The following PTPRN2 variants were observed in gnomAD, a reference collection of about 807,000 sequenced individuals.
PTPRN2 encodes protein tyrosine phosphatase receptor type N2.
Under a neutral mutation model 118.8 loss-of-function variants are expected in PTPRN2, and 74 were observed. The observed-to-expected ratio is 0.62, with a 90% CI of 0.52 to 0.76. The LOEUF is 0.76. Ranked by LOEUF, PTPRN2 falls within the 30% of genes least tolerant of loss-of-function variation. The pLI, the probability that PTPRN2 is intolerant of heterozygous loss-of-function variation, is 0.00. For synonymous variants in PTPRN2, 641 were observed against 608.0 expected (o/e 1.05, Z -0.80); for missense variants, 1,481 against 1,394.4 (o/e 1.06, Z -0.99).
intron 11 of PTPRN2, among the ~76,000 whole-genome samples, chr7:158,006,788 C>T (rs886962126): frequency 6.6e-6 from 1 of 152,186 alleles, no homozygotes; most frequent in African/African-American, 2.4e-5. Context: ...GCTGTACCCA[C>T]ATTTCCAAAA....
intron 3 of PTPRN2, among the ~76,000 whole-genome samples, chr7:158,263,619 G>A (rs1425074502): frequency 6.6e-6 from 1 of 152,172 alleles, no homozygotes; most frequent in Non-Finnish European, 1.5e-5. Context: ...GCTGGGTGAG[G>A]GTCTACTTCC....
intron 1 of PTPRN2, among the ~76,000 whole-genome samples, chr7:158,569,742 G>A (rs1232602313): frequency 7.6e-6 from 1 of 131,724 alleles, no homozygotes; most frequent in Non-Finnish European, 1.6e-5. Context: ...ACAGGAACGC[G>A]GGGCGCGAGG....
intron 2 of PTPRN2, among the ~76,000 whole-genome samples, chr7:158,478,754 G>A (rs563242384): frequency 3.9e-5 from 6 of 152,128 alleles, no homozygotes; most frequent in East Asian, 1.9e-4. Context: ...TTGTGTACAC[G>A]CCGTACAGAG....
chr7:158,292,007 T>C (rs916216228), intron 3 of PTPRN2, among the ~76,000 whole-genome samples: 6 of 152,224 alleles, frequency 3.9e-5, no homozygotes, highest in Non-Finnish European at 8.8e-5. Flanking sequence ...ATGTGAATTA[T>C]TTCAAAGAAT....
chr7:158,006,584 C>A (rs1003218542), intron 11 of PTPRN2, among the ~76,000 whole-genome samples: 3 of 152,198 alleles, frequency 2.0e-5, no homozygotes, highest in Non-Finnish European at 4.4e-5. Context: ...GCCATTTCCA[C>A]AACCTCATTT....
chr7:158,489,643 A>G, intron 2 of PTPRN2, 92 bp downstream of exon 2: 2 of 1,348,904 alleles, frequency 1.5e-6, no homozygotes, highest in Non-Finnish European at 2.0e-6. Context: ...CCCCAGCTCC[A>G]GGCCAGCGGC....
rs185376513 is a variant in PTPRN2, at chr7:157,629,826, C to A, written c.2197-8317G>T. Among the ~76,000 whole-genome samples, 1 of 152,352 alleles carries A rather than the reference C, an allele frequency of 6.6e-6. No individual in the cohort carries two copies. Among genetic ancestry groups the A allele is most frequent in the Non-Finnish European group, 1.5e-5 (1 of 68,030 alleles). The stretch of plus-strand genomic sequence containing the variant: ...CCTTTAATTTACTGAACATTACAAT[C>A]AAACCTTTTGTTAAAACGAATAATA... On this transcript the variant is annotated intron_variant, in intron 14 of 22. Coordinates refer to ENST00000389418, the MANE Select transcript of PTPRN2 (RefSeq NM_002847.5). This position sits in a 1 kb window ranked among gnomAD's most constrained non-coding sequence, Gnocchi z 4.4.
At chr7:158,245,225 CAT>C (rs1796158951) in intron 3 of PTPRN2, among the ~76,000 whole-genome samples, 1 of 148,332 alleles carries the variant, frequency 6.7e-6, no homozygotes, top group Admixed American at 6.7e-5. Context: ...TGCCGGAACC[CAT>C]GGCCATGCCG....
intron 13 of PTPRN2, among the ~76,000 whole-genome samples, chr7:157,662,881 A>G (rs1795962439): frequency 6.6e-6 from 1 of 152,172 alleles, no homozygotes; most frequent in African/African-American, 2.4e-5. Flanking sequence ...CTTCTTGTGC[A>G]TGCAGGGTCT....
chr7:158,047,554 T>C (rs536710279), intron 11 of PTPRN2, among the ~76,000 whole-genome samples: 1 of 151,784 alleles, frequency 6.6e-6, no homozygotes, highest in African/African-American at 2.4e-5. Context: ...CTACCTGCAG[T>C]CACTGAGTGT....
rs534544122 is a variant in PTPRN2 at position 158,294,670 on chromosome 7, G to A, written c.277+22149C>T. Among the ~76,000 whole-genome samples the A allele has an allele frequency of 8.5e-5, 12 of 141,028 alleles. No individual in the cohort carries two copies. The East Asian group carries it at 9.7e-4, about 11-fold the overall frequency. 92.5% of individuals were successfully genotyped at this position (141,028 alleles called of 152,430 possible). ...CAAGCGGGGAGGGAGGAGTGTTCCCGGGGGAGAGTGAGAGGCAGGAAAGAC... is the reference window on the plus strand; with the variant it reads ...CAAGCGGGGAGGGAGGAGTGTTCCCAGGGGAGAGTGAGAGGCAGGAAAGAC... On this transcript the variant is annotated intron_variant, in intron 3 of 22. Coordinates refer to ENST00000389418, the MANE Select transcript of PTPRN2 (RefSeq NM_002847.5).
chr7:158,040,362 T>G (rs1808363391), intron 11 of PTPRN2, among the ~76,000 whole-genome samples: 1 of 151,180 alleles, frequency 6.6e-6, no homozygotes, highest in Non-Finnish European at 1.5e-5. Context: ...CATATACACA[T>G]GCACACACAC....
intron 1 of PTPRN2, among the ~76,000 whole-genome samples, chr7:158,518,922 T>C (rs1372227288): frequency 6.6e-6 from 1 of 151,870 alleles, no homozygotes; most frequent in Non-Finnish European, 1.5e-5. Flanking sequence ...GAGGTGGAGG[T>C]TGCAGTGAGC....
intron 12 of PTPRN2, chr7:157,740,280 A>C (rs941861310): frequency 7.2e-5 from 11 of 152,244 alleles, no homozygotes; most frequent in African/African-American, 2.7e-4. Context: ...GGCACAGAAC[A>C]CTAACCTATC....
chr7:158,544,499 G>A lies in PTPRN2; in HGVS notation c.112+43059C>T, dbSNP rs1476255033. On this transcript the variant is annotated intron_variant, in intron 1 of 22. Transcript: ENST00000389418. This position sits in a 1 kb window ranked among gnomAD's most constrained non-coding sequence, Gnocchi z 4.2. ...AAAAATACAAAAAAATTAGCCTGGT[G>A]TGGTGGCACATGCCTGTAATCACAG... 6.6e-6 allele frequency among the ~76,000 whole-genome samples: 1 copy of A among 152,142 alleles called. No individual in the cohort carries two copies. Among genetic ancestry groups the A allele is most frequent in the Non-Finnish European group, 1.5e-5 (1 of 68,024 alleles).
chr7:158,317,837 G>A (rs1314627815), intron 2 of PTPRN2, among the ~76,000 whole-genome samples: 1 of 152,214 alleles, frequency 6.6e-6, no homozygotes, highest in Non-Finnish European at 1.5e-5. Flanking sequence ...CCCAGGGCCA[G>A]GCTGACGGTA....
At position 157,590,610 on chromosome 7, in the gene PTPRN2, C is replaced by T. The variant is rs1161503762; in HGVS notation, c.2496+4628G>A. 6.6e-6 allele frequency among the ~76,000 whole-genome samples: 1 copy of T among 152,210 alleles called. No homozygotes were observed. Among genetic ancestry groups the T allele is most frequent in the Non-Finnish European group, 1.5e-5 (1 of 68,048 alleles). ...TTTCGTGCACGTTCTGGGCTCTGCT[C>T]AGGGACGCAGCACGGACAGAGGTGC... is the stretch of plus-strand genomic sequence containing the variant. On this transcript the variant is annotated intron_variant, in intron 17 of 22. Coordinates refer to ENST00000389418, the MANE Select transcript of PTPRN2 (RefSeq NM_002847.5). This position sits in a 1 kb window ranked among gnomAD's most constrained non-coding sequence, Gnocchi z 4.0.
At chr7:158,203,221 G>C (rs1826782438) in intron 4 of PTPRN2, among the ~76,000 whole-genome samples, 1 of 40,072 alleles carries the variant, frequency 2.5e-5, no homozygotes, top group African/African-American at 1.1e-4. Flanking sequence ...GATGAAGCAA[G>C]AGCCAAAAAA....
chr7:157,969,655 G>T (rs1802183978), intron 11 of PTPRN2, among the ~76,000 whole-genome samples: 1 of 152,040 alleles, frequency 6.6e-6, no homozygotes, highest in African/African-American at 2.4e-5. Context: ...AATGGGGGTG[G>T]CTGAGCCTGA....
Sources: allele counts gnomAD v4.1 joint callset (sites outside exome capture counted in the v4.1 genomes callset), GRCh38; gene constraint gnomAD v4.1.1; non-coding constraint Gnocchi (gnomAD v3.1); transcripts MANE v1.5; gene names NCBI Gene and HGNC (gene_info 2026-07-23, HGNC 2026-07-21).